PPP1R1A: variants seen among roughly 807,000 people sequenced by gnomAD.
The protein encoded by PPP1R1A is protein phosphatase 1 regulatory subunit 1A.
In PPP1R1A, 18 loss-of-function variants were observed where a neutral mutation model predicts 23.9. The observed-to-expected ratio is 0.75, with a 90% CI of 0.52 to 1.12. The LOEUF is 1.12. Ranked by LOEUF, PPP1R1A falls within the 50% of genes most tolerant of loss-of-function variation. PPP1R1A has a pLI of 0.00. For synonymous variants in PPP1R1A, 84 were observed against 80.7 expected (o/e 1.04, Z -0.22); for missense variants, 207 against 223.8 (o/e 0.92, Z 0.48).
Position 54,581,933 on chromosome 12 carries a change from C to T in PPP1R1A, c.403+43G>A. Reference sequence around the variant, plus strand: ...TGGGTAAGGCTTGCCTCCTGCTGGGCTGGGAAATAGGATGCCTGGGGCCCT... The same window carrying T: ...TGGGTAAGGCTTGCCTCCTGCTGGGTTGGGAAATAGGATGCCTGGGGCCCT... On this transcript the variant is annotated intron_variant, in intron 5 of 6. Transcript: ENST00000257905. This position sits in a 1 kb window ranked among gnomAD's most constrained non-coding sequence, Gnocchi z 4.1. 1 of 1,574,156 alleles carries T rather than the reference C, an allele frequency of 6.4e-7. No homozygotes were observed. The highest frequency in any genetic ancestry group is 1.2e-5 in the South Asian group (1 of 84,134).
At chr12:54,585,392 C>A (rs2121213545) in intron 1 of PPP1R1A, among the ~76,000 whole-genome samples, 1 of 152,284 alleles carries the variant, frequency 6.6e-6, no homozygotes, top group Middle Eastern at 3.4e-3. Flanking sequence ...CCCCCTTTCC[C>A]CCCACTGTTG....
chr12:54,587,857 T>G (rs571066069), intron 1 of PPP1R1A, among the ~76,000 whole-genome samples: 1 of 152,174 alleles, frequency 6.6e-6, no homozygotes, highest in African/African-American at 2.4e-5. Flanking sequence ...GCCCTCTCAG[T>G]GGTCCTCAGT....
chr12:54,581,910 G>C lies in PPP1R1A; in HGVS notation c.403+66C>G. On this transcript the variant is annotated intron_variant, in intron 5 of 6. Transcript: ENST00000257905. This position sits in a 1 kb window ranked among gnomAD's most constrained non-coding sequence, Gnocchi z 4.1. Reference sequence around the variant, plus strand: ...CCAACTCTTTCCCCTCCCCGCAGTGGGTAAGGCTTGCCTCCTGCTGGGCTG... The same window carrying C: ...CCAACTCTTTCCCCTCCCCGCAGTGCGTAAGGCTTGCCTCCTGCTGGGCTG... 1 of 1,542,534 alleles carries C rather than the reference G, an allele frequency of 6.5e-7. No homozygotes were observed. Among genetic ancestry groups the C allele is most frequent in the Non-Finnish European group, 8.7e-7 (1 of 1,142,984 alleles).
At position 54,579,276 on chromosome 12, in the gene PPP1R1A, A is replaced by G; in HGVS notation, c.*1111T>C. ...GTGTTCACTGGGTACAAGTTGACCA[A>G]GCATCTTCACATACATACACTCTTT... On this transcript the variant is annotated 3_prime_UTR_variant, in exon 7 of 7. Transcript: ENST00000257905. 3 of 985,112 alleles carry G rather than the reference A, an allele frequency of 3.0e-6. No homozygotes were observed. The highest frequency in any genetic ancestry group is 2.4e-6 in the Non-Finnish European group (2 of 829,890). 61.0% of individuals were successfully genotyped at this position (985,112 alleles called of 1,614,324 possible). A position where few individuals can be genotyped will look rare whatever the true frequency, so the allele number is the denominator to read the frequency against.
chr12:54,582,680 T>C, intron 4 of PPP1R1A, 52 bp downstream of exon 4: 1 of 1,588,172 alleles, frequency 6.3e-7, no homozygotes, highest in Non-Finnish European at 8.6e-7. Flanking sequence ...TTCGGTCTCC[T>C]CTTCAGCTTC....
At chr12:54,586,220 T>C (rs1337295319) in intron 1 of PPP1R1A, among the ~76,000 whole-genome samples, 1 of 152,124 alleles carries the variant, frequency 6.6e-6, no homozygotes. Context: ...CTTGGACACA[T>C]CACTTCCTTG....
chr12:54,585,906 T>C (rs1262082849), intron 1 of PPP1R1A, among the ~76,000 whole-genome samples: 1 of 152,142 alleles, frequency 6.6e-6, no homozygotes, highest in East Asian at 1.9e-4. Flanking sequence ...GCAGTACCAG[T>C]CCTTTGTGTA....
At position 54,580,986 on chromosome 12, in the gene PPP1R1A, G is replaced by C. The variant is rs776103610; in HGVS notation, c.468C>G (p.Pro156=). ...AATCCAGTGGTGGTATATGGGTTGA[G>C]GGTTCTTTTGTGCTGGGTTCCTTAC... is the stretch of plus-strand genomic sequence containing the variant. ...RGSKEPSTKE[P]STHIPPLDSK... The change falls in exon 6 of 7, where the codon CCC becomes CCG. Residue 156 remains proline (P), a synonymous_variant. Transcript: ENST00000257905. 2.5e-6 allele frequency: 4 copies of C among 1,613,998 alleles called. No individual in the cohort carries two copies. In the South Asian group the frequency reaches 4.4e-5, roughly 18 times the overall value.
chr12:54,580,874 A>G, intron 6 of PPP1R1A, 70 bp downstream of exon 6: 1 of 1,250,540 alleles, frequency 8.0e-7, no homozygotes, highest in Non-Finnish European at 1.2e-6. Flanking sequence ...TCCAAATATT[A>G]GCCCCTTGCT....
intron 3 of PPP1R1A, 30 bp downstream of exon 3, chr12:54,583,181 G>A (rs1445057088): frequency 6.4e-7 from 1 of 1,554,026 alleles, no homozygotes; most frequent in East Asian, 2.3e-5. Flanking sequence ...GGGTTTTTTG[G>A]GCTGGGCTTA....
Position 54,579,279 on chromosome 12 carries a change from A to T in PPP1R1A, c.*1108T>A. On this transcript the variant is annotated 3_prime_UTR_variant, in exon 7 of 7. Coordinates refer to ENST00000257905, the MANE Select transcript of PPP1R1A (RefSeq NM_006741.4). Reference sequence around the variant, plus strand: ...TTCACTGGGTACAAGTTGACCAAGCATCTTCACATACATACACTCTTTCCA... The same window carrying T: ...TTCACTGGGTACAAGTTGACCAAGCTTCTTCACATACATACACTCTTTCCA... 1 of 985,228 alleles carries T rather than the reference A, an allele frequency of 1.0e-6. No homozygotes were observed. Among genetic ancestry groups the T allele is most frequent in the Non-Finnish European group, 1.2e-6 (1 of 829,922 alleles). The allele number at this position is 985,228 out of a possible 1,614,324, so 61.0% of individuals were successfully genotyped here.
Position 54,581,431 on chromosome 12 carries a change from TAC to T in PPP1R1A, c.404-383_404-382del, listed in dbSNP as rs1309102329. On this transcript the variant is annotated intron_variant, in intron 5 of 6. Coordinates refer to ENST00000257905, the MANE Select transcript of PPP1R1A (RefSeq NM_006741.4). The surrounding 1 kb of genome is among the most constrained non-coding windows in gnomAD (Gnocchi z 4.1). The stretch of plus-strand genomic sequence containing the variant: ...GTTCTCTGCCGGGAATACTATGCGA[TAC>T]ACAGTTTATGTACTATATCTTCATA... Among the ~76,000 whole-genome samples, 1 of 152,252 alleles carries T rather than the reference TAC, an allele frequency of 6.6e-6. No individual in the cohort carries two copies. Among genetic ancestry groups the T allele is most frequent in the Non-Finnish European group, 1.5e-5 (1 of 68,040 alleles).
chr12:54,584,288 G>A lies in PPP1R1A; in HGVS notation c.117C>T (p.Leu39=), dbSNP rs766511230. The A allele has an allele frequency of 5.6e-6, 9 of 1,605,136 alleles. No individual in the cohort carries two copies. Among genetic ancestry groups the A allele is most frequent in the Admixed American group, 5.1e-5 (3 of 58,790 alleles). The part of the protein sequence containing the change: ...IRRRRPTPAT[L]VLTSDQSSPE... ...GGGATGACTGGTCACTGGTCAGCACGAGGGTGGCAGGGGTGGGGCGGCGCC... is the reference window on the plus strand; with the variant it reads ...GGGATGACTGGTCACTGGTCAGCACAAGGGTGGCAGGGGTGGGGCGGCGCC... The change falls in exon 2 of 7, where the codon CTC becomes CTT. Residue 39 remains leucine (L), a synonymous_variant. Coordinates refer to ENST00000257905, the MANE Select transcript of PPP1R1A (RefSeq NM_006741.4).
chr12:54,583,644 C>G (rs573187967), intron 2 of PPP1R1A, among the ~76,000 whole-genome samples: 3 of 152,310 alleles, frequency 2.0e-5, no homozygotes, highest in Admixed American at 2.0e-4. Flanking sequence ...TAGGAGGGAA[C>G]AGTGATAGAG....
chr12:54,587,953 C>T (rs981881583), intron 1 of PPP1R1A, among the ~76,000 whole-genome samples: 1 of 152,108 alleles, frequency 6.6e-6, no homozygotes, highest in African/African-American at 2.4e-5. Context: ...CTTCCAACTC[C>T]CACCCTTCCA....
intron 6 of PPP1R1A, 111 bp downstream of exon 6, chr12:54,580,833 A>G: frequency 1.1e-6 from 1 of 936,116 alleles, no homozygotes. Context: ...TTAGGGACTG[A>G]AGCTGGTTCT....
At position 54,581,869 on chromosome 12, in the gene PPP1R1A, A is replaced by G; in HGVS notation, c.403+107T>C. The G allele has an allele frequency of 6.1e-6, 8 of 1,321,106 alleles. No individual in the cohort carries two copies. Among genetic ancestry groups the G allele is most frequent in the Non-Finnish European group, 8.3e-6 (8 of 968,662 alleles). The allele number at this position is 1,321,106 out of a possible 1,614,324, so 81.8% of individuals were successfully genotyped here. On this transcript the variant is annotated intron_variant, in intron 5 of 6. Transcript: ENST00000257905. This position sits in a 1 kb window ranked among gnomAD's most constrained non-coding sequence, Gnocchi z 4.1. ...CTTGAGACAGTTTTTGCCTACTACT[A>G]GGCCTCTCCCAGGCTCCAACTCTTT...
At chr12:54,585,146 C>A (rs1294678791) in intron 1 of PPP1R1A, among the ~76,000 whole-genome samples, 2 of 152,224 alleles carry the variant, frequency 1.3e-5, no homozygotes, top group African/African-American at 4.8e-5. Flanking sequence ...TCTCCTCTGG[C>A]CTGTGCCCCT....
In PPP1R1A at chr12:54,580,095, G is replaced by A; in HGVS notation, c.*292C>T. 2 of 1,140,510 alleles carry A rather than the reference G, an allele frequency of 1.8e-6. No homozygotes were observed. Among genetic ancestry groups the A allele is most frequent in the Non-Finnish European group, 2.2e-6 (2 of 924,422 alleles). 70.6% of individuals were successfully genotyped at this position (1,140,510 alleles called of 1,614,324 possible). On this transcript the variant is annotated 3_prime_UTR_variant, in exon 7 of 7. Coordinates refer to ENST00000257905, the MANE Select transcript of PPP1R1A (RefSeq NM_006741.4). ...CATCTCTCTTCCCACAGCAAGTAAA[G>A]TCAGGGCTAAGGGAAGAACTCTTCC...
Sources: gnomAD v4.1 joint callset for allele counts (sites outside exome capture counted in the v4.1 genomes callset) on GRCh38, gnomAD v4.1.1 for gene constraint, Gnocchi (gnomAD v3.1) non-coding constraint, MANE v1.5 for transcripts, NCBI Gene and HGNC (gene_info 2026-07-23, HGNC 2026-07-21) for gene names.